MYBBP1A: variants seen among roughly 807,000 people sequenced by gnomAD.
MYBBP1A encodes myb-binding protein 1A.
A neutral mutation model predicts 136.3 loss-of-function variants in MYBBP1A; 147 were observed. The observed-to-expected ratio is 1.08, with a 90% CI of 0.94 to 1.24. The LOEUF (loss-of-function observed/expected upper bound fraction) is 1.24. Among genes scored for constraint, MYBBP1A ranks in the 50% most tolerant of loss-of-function variants. The pLI is 0.00. For missense variants in MYBBP1A, 2,060 were observed against 1,727.4 expected (o/e 1.19, Z -3.41); for synonymous variants, 947 against 735.8 (o/e 1.29, Z -4.65).
Position 4,544,657 on chromosome 17 carries a change from G to T in MYBBP1A, c.2482-11C>A, listed in dbSNP as rs1338283937. The T allele has an allele frequency of 2.5e-6, 4 of 1,569,658 alleles. No homozygotes were observed. The highest frequency in any genetic ancestry group is 2.3e-5 in the East Asian group (1 of 43,414). ...CACCAGGTCCAGCACCTGCAGCCAG[G>T]AGGGCAGGTCAGCAACACGGGGGTG... On this transcript the variant is annotated splice_polypyrimidine_tract_variant and intron_variant, in intron 18 of 25. Coordinates refer to ENST00000254718, the MANE Select transcript of MYBBP1A (RefSeq NM_014520.4).
chr17:4,541,423 A>G, intron 24 of MYBBP1A, 40 bp downstream of exon 24: 10 of 1,576,364 alleles, frequency 6.3e-6, no homozygotes, highest in Non-Finnish European at 5.2e-6. Flanking sequence ...GGCCCCCAAG[A>G]GGAACCCGAA....
At chr17:4,553,752 C>T in intron 5 of MYBBP1A, 58 bp downstream of exon 5, 1 of 1,324,464 alleles carries the variant, frequency 7.6e-7, no homozygotes, top group South Asian at 1.2e-5. Context: ...CATCCGAGCC[C>T]CCTTGATGTC....
rs770883969 is a variant in MYBBP1A, at chr17:4,544,737, G to A, written c.2481+14C>T. The A allele has an allele frequency of 2.5e-5, 38 of 1,535,176 alleles. No homozygotes were observed. Among genetic ancestry groups the A allele is most frequent in the African/African-American group, 1.5e-4 (11 of 73,132 alleles). Reference sequence around the variant, plus strand: ...AGGGAGGCGGGGGTGGGTGCGGCCCGCCCCCAGGCTCACCCGGATCTGGAA... The same window carrying A: ...AGGGAGGCGGGGGTGGGTGCGGCCCACCCCCAGGCTCACCCGGATCTGGAA... On this transcript the variant is annotated intron_variant, in intron 18 of 25. Transcript: ENST00000254718.
Position 4,548,157 on chromosome 17 carries a change from G to C in MYBBP1A, c.1710C>G (p.Arg570=), listed in dbSNP as rs1351213543. ...TTVTPFTAQQ[R]QAWDRMLQTL... ...CACGTGCTCACCGGTCCCAGGCCTGGCGCTGCTGCGCAGTGAAGGGTGTCA... is the reference window on the plus strand; with the variant it reads ...CACGTGCTCACCGGTCCCAGGCCTGCCGCTGCTGCGCAGTGAAGGGTGTCA... The change falls in exon 12 of 26, where the codon CGC becomes CGG. Residue 570 remains arginine (R), a synonymous_variant. Transcript: ENST00000254718. This position sits in a 1 kb window ranked among gnomAD's most constrained non-coding sequence, Gnocchi z 4.2. The C allele has an allele frequency of 3.7e-6, 6 of 1,604,974 alleles. No individual in the cohort carries two copies. In the African/African-American group the frequency reaches 8.0e-5, roughly 21 times the overall value.
intron 9 of MYBBP1A, among the ~76,000 whole-genome samples, 181 bp from the exon 10 acceptor site, chr17:4,549,623 A>C (rs1365768680): frequency 6.6e-6 from 1 of 151,990 alleles, no homozygotes; most frequent in Non-Finnish European, 1.5e-5. Context: ...TTAAAAATAC[A>C]AAAATTAGCT....
In MYBBP1A at chr17:4,552,652, T is replaced by C. The variant is rs867619786; in HGVS notation, c.562-26A>G. 6.2e-7 allele frequency: 1 copy of C among 1,604,280 alleles called. No individual in the cohort carries two copies. The highest frequency in any genetic ancestry group is 8.5e-7 in the Non-Finnish European group (1 of 1,173,954). On this transcript the variant is annotated intron_variant, in intron 5 of 25. Coordinates refer to ENST00000254718, the MANE Select transcript of MYBBP1A (RefSeq NM_014520.4). The surrounding 1 kb of genome is among the most constrained non-coding windows in gnomAD (Gnocchi z 4.7). Reference sequence around the variant, plus strand: ...CTAAGGATGGAGGGAGAAGAAATCGTGACTTCCTCTGCGGGGTGAGCCTGG... The same window carrying C: ...CTAAGGATGGAGGGAGAAGAAATCGCGACTTCCTCTGCGGGGTGAGCCTGG...
chr17:4,546,088 A>T (rs1243455679), intron 13 of MYBBP1A, 146 bp from the exon 14 acceptor site: 1 of 683,250 alleles, frequency 1.5e-6, no homozygotes, highest in Non-Finnish European at 2.5e-6. Flanking sequence ...CACCCCCACA[A>T]TCCAGAACAG....
chr17:4,555,133 C>T lies in MYBBP1A; in HGVS notation c.192G>A (p.Arg64=). ...TEKLLEYLRG[R]PKGSEMKYAL... is the part of the protein sequence containing the mutation. ...CCAGACCCCGCCACTCCACCTTCGG[C>T]CTGCCACGCAGATACTCCAGCAGCT... Residue 64 remains arginine (R), a synonymous_variant, in exon 1 of 26, where the codon AGG becomes AGA. Coordinates refer to ENST00000254718, the MANE Select transcript of MYBBP1A (RefSeq NM_014520.4). 1.9e-6 allele frequency: 3 copies of T among 1,591,116 alleles called. No individual in the cohort carries two copies. The highest frequency in any genetic ancestry group is 2.3e-5 in the South Asian group (2 of 88,410).
At chr17:4,540,178 G>C (rs963592078) in intron 25 of MYBBP1A, among the ~76,000 whole-genome samples, 170 bp downstream of exon 25, 1 of 147,036 alleles carries the variant, frequency 6.8e-6, no homozygotes, top group Non-Finnish European at 1.5e-5. Flanking sequence ...GGTCCTGTGA[G>C]GGTCCTACAG....
chr17:4,543,895 G>A (rs528943452), intron 19 of MYBBP1A, among the ~76,000 whole-genome samples: 39 of 150,148 alleles, frequency 2.6e-4, no homozygotes, highest in Non-Finnish European at 3.4e-4. Flanking sequence ...CCTTCCCCAC[G>A]CCACTGCTCT....
At chr17:4,551,187 C>T (rs189291263) in intron 8 of MYBBP1A, among the ~76,000 whole-genome samples, 6 of 152,354 alleles carry the variant, frequency 3.9e-5, no homozygotes, top group Admixed American at 6.5e-5. Flanking sequence ...CTCCCCCTCA[C>T]CCAGAATGAC....
chr17:4,540,360 G>A lies in MYBBP1A; in HGVS notation c.3422C>T (p.Thr1141Ile), dbSNP rs1255799959. ...TCCCAGAACCTACTGGACTCCCAGG[G>A]TTTTCATGGCCTGCCAGTAGAGGTC... ...LHDLYWQAMK[T>I]LGVQRPKLEK... Residue 1141 changes from threonine to isoleucine, a missense_variant, in exon 25 of 26, where the codon ACC becomes ATC. Thr to Ile is a moderately conservative substitution (Grantham distance 89). Transcript: ENST00000254718. 6.2e-6 allele frequency: 10 copies of A among 1,607,476 alleles called. No homozygotes were observed. In the African/African-American group the frequency reaches 1.3e-4, roughly 21 times the overall value.
rs1567608664 is a variant in MYBBP1A at position 4,545,882 on chromosome 17, C to T, written c.1885G>A (p.Gly629Arg). The T allele has an allele frequency of 6.2e-7, 1 of 1,613,404 alleles. No homozygotes were observed. The highest frequency in any genetic ancestry group is 1.1e-5 in the South Asian group (1 of 91,068). The change falls in exon 14 of 26, where the codon GGA becomes AGA. Residue 629 changes from glycine to arginine, a missense_variant. Coordinates refer to ENST00000254718, the MANE Select transcript of MYBBP1A (RefSeq NM_014520.4). ...GTGCGGCTCCGGCGGGGCTTCTCTC[C>T]CAGACTTTTCCTGATGCAGGTCTGG... is the stretch of plus-strand genomic sequence containing the variant. ...DIQTCIRKSL[G>R]EKPRRSRTKT...
Position 4,553,181 on chromosome 17 carries a change from C to A in MYBBP1A, c.562-555G>T, listed in dbSNP as rs77507988. On this transcript the variant is annotated intron_variant, in intron 5 of 25. Transcript: ENST00000254718. The stretch of plus-strand genomic sequence containing the variant: ...TTTCAGAGTACTAGCTCATTTCATA[C>A]ACGAGGAGCCCTAGGTGGAGAGCTG... Among the ~76,000 whole-genome samples, 420 of 152,288 alleles carry A rather than the reference C, an allele frequency of 2.8e-3. 2 individuals carry two copies. Among genetic ancestry groups the A allele is most frequent in the Non-Finnish European group, 3.5e-3 (237 of 68,020 alleles).
At chr17:4,551,624 G>A (rs563545342) in intron 8 of MYBBP1A, among the ~76,000 whole-genome samples, 11 of 152,294 alleles carry the variant, frequency 7.2e-5, no homozygotes, top group Non-Finnish European at 1.5e-4. Flanking sequence ...CAGGAGAATC[G>A]CTTGAACCTG....
In MYBBP1A at chr17:4,553,982, C is replaced by A. The variant is rs373008736; in HGVS notation, c.453+37G>T. On this transcript the variant is annotated intron_variant, in intron 4 of 25. Transcript: ENST00000254718. ...ACGACTGTCCCCCACCCATCCCAAG[C>A]CAGCCTACATTCCCCCAGTCCCTCC... 11 of 1,613,850 alleles carry A rather than the reference C, an allele frequency of 6.8e-6. No homozygotes were observed. In the African/African-American group the frequency reaches 9.3e-5, roughly 14 times the overall value.
At chr17:4,547,884 A>G (rs1907136894) in intron 13 of MYBBP1A, 74 bp downstream of exon 13, 1 of 1,301,152 alleles carries the variant, frequency 7.7e-7, no homozygotes, top group African/African-American at 1.5e-5. Context: ...ACAGCCCTCA[A>G]AAGCCTCTCG....
At chr17:4,544,994 C>CCGG in intron 17 of MYBBP1A, 32 bp downstream of exon 17, 1 of 1,425,310 alleles carries the variant, frequency 7.0e-7, no homozygotes, top group Non-Finnish European at 9.3e-7. Flanking sequence ...GAGCCCTCCC[C>CCGG]GGCCGCCCCC....
chr17:4,549,469 T>A, intron 9 of MYBBP1A, 27 bp from the exon 10 acceptor site: 1 of 1,600,924 alleles, frequency 6.2e-7, no homozygotes, highest in Non-Finnish European at 8.5e-7. Flanking sequence ...CGAGGTCATG[T>A]GAGCCACTTA....
Sources: gnomAD v4.1 joint callset for allele counts (sites outside exome capture counted in the v4.1 genomes callset) on GRCh38, gnomAD v4.1.1 for gene constraint, Gnocchi (gnomAD v3.1) non-coding constraint, MANE v1.5 for transcripts, NCBI Gene and HGNC (gene_info 2026-07-23, HGNC 2026-07-21) for gene names.